TMEM42: variants seen among roughly 807,000 people sequenced by gnomAD.
TMEM42 encodes transmembrane protein 42.
TMEM42 carries 8 observed loss-of-function variants against 14.0 expected under a neutral mutation model. That is an observed-to-expected ratio of 0.57 (90% CI 0.34 to 1.03). The LOEUF (loss-of-function observed/expected upper bound fraction) is 1.03, where lower values mean the gene tolerates loss of function less well. TMEM42 is among the 50% of genes least tolerant of loss of function. The pLI, the probability that TMEM42 is intolerant of heterozygous loss-of-function variation, is 0.03. For missense variants in TMEM42, 211 were observed against 219.8 expected, an observed-to-expected ratio of 0.96 and a Z score of 0.25; for synonymous variants, 115 against 94.3, an observed-to-expected ratio of 1.22 and a Z score of -1.27.
intron 1 of TMEM42, chr3:44,862,426 G>A: frequency 6.5e-6 from 1 of 153,242 alleles, no homozygotes; most frequent in East Asian, 1.9e-4. Flanking sequence ...CTCCGGTTGG[G>A]CTAGTTCGCT....
intron 1 of TMEM42, 74 bp downstream of exon 1, chr3:44,862,190 C>T: frequency 4.9e-6 from 2 of 411,496 alleles, no homozygotes; most frequent in Non-Finnish European, 6.6e-6. Context: ...AGGAGGGGCG[C>T]TGCGGGGCCC....
Position 44,865,222 on chromosome 3 carries a change from T to C in TMEM42, c.*42T>C, listed in dbSNP as rs1699308623. The C allele has an allele frequency of 6.2e-7, 1 of 1,612,554 alleles. No individual in the cohort carries two copies. Among genetic ancestry groups the C allele is most frequent in the African/African-American group, 1.3e-5 (1 of 74,902 alleles). ...GGACCAGCTGGAAAGATCATGATGG[T>C]GGCCCAGCCTTGGGATGTCATGTGG... On this transcript the variant is annotated 3_prime_UTR_variant, in exon 3 of 3. Transcript: ENST00000302392.
At chr3:44,863,298 G>GAAC in intron 1 of TMEM42, 1 of 38,726 alleles carries the variant, frequency 2.6e-5, no homozygotes. Flanking sequence ...TTTAGATTCC[G>GAAC]CACCCCCCCC....
In TMEM42 at chr3:44,865,326, C is replaced by G. The variant is rs774815805; in HGVS notation, c.*146C>G. Reference sequence around the variant, plus strand: ...AAGCAGGCCTCTGATGGAGCAGGCTCTGGCTCTGTAAGGAGAGGTGCAGCT... The same window carrying G: ...AAGCAGGCCTCTGATGGAGCAGGCTGTGGCTCTGTAAGGAGAGGTGCAGCT... On this transcript the variant is annotated 3_prime_UTR_variant, in exon 3 of 3. Coordinates refer to ENST00000302392, the MANE Select transcript of TMEM42 (RefSeq NM_144638.3). 2 of 1,084,666 alleles carry G rather than the reference C, an allele frequency of 1.8e-6. No homozygotes were observed. The highest frequency in any genetic ancestry group is 2.7e-6 in the Non-Finnish European group (2 of 748,164). The allele number at this position is 1,084,666 out of a possible 1,614,324, so 67.2% of individuals were successfully genotyped here.
chr3:44,865,350 C>A lies in TMEM42; in HGVS notation c.*170C>A. Reference sequence around the variant, plus strand: ...TCTGGCTCTGTAAGGAGAGGTGCAGCTGCAGCAGTGTTCTACCGGAAGTGT... The same window carrying A: ...TCTGGCTCTGTAAGGAGAGGTGCAGATGCAGCAGTGTTCTACCGGAAGTGT... On this transcript the variant is annotated 3_prime_UTR_variant, in exon 3 of 3. Coordinates refer to ENST00000302392, the MANE Select transcript of TMEM42 (RefSeq NM_144638.3). The A allele has an allele frequency of 1.2e-6, 1 of 816,756 alleles. No individual in the cohort carries two copies. The highest frequency in any genetic ancestry group is 1.9e-6 in the Non-Finnish European group (1 of 520,696). The allele number at this position is 816,756 out of a possible 1,614,324, so 50.6% of individuals were successfully genotyped here.
chr3:44,862,698 C>G (rs1336467720), intron 1 of TMEM42: 1 of 152,038 alleles, frequency 6.6e-6, no homozygotes, highest in Non-Finnish European at 1.5e-5. Context: ...CCTAAACTTG[C>G]ATCCTGGCGT....
At chr3:44,863,998 G>C in intron 1 of TMEM42, 199 bp from the exon 2 acceptor site, 1 of 575,368 alleles carries the variant, frequency 1.7e-6, no homozygotes, top group Non-Finnish European at 3.1e-6. Flanking sequence ...CTCTGAATTT[G>C]CTTTATTTGT....
intron 1 of TMEM42, chr3:44,863,050 G>T (rs1487689536): frequency 6.6e-6 from 1 of 151,880 alleles, no homozygotes; most frequent in Non-Finnish European, 1.5e-5. Flanking sequence ...TCCAACTCGC[G>T]GCCCAACGCA....
At position 44,865,579 on chromosome 3, in the gene TMEM42, A is replaced by G. The variant is rs1215214209; in HGVS notation, c.*399A>G. 2 of 205,036 alleles carry G rather than the reference A, an allele frequency of 9.8e-6. No individual in the cohort carries two copies. The highest frequency in any genetic ancestry group is 4.4e-5 in the African/African-American group (2 of 45,130). The allele number at this position is 205,036 out of a possible 1,614,324, so 12.7% of individuals were successfully genotyped here. Reference sequence around the variant, plus strand: ...GGGGCTTTCTGACAGTTCCATGCTGATGTATCAGGCCATCTGTGTCATGCT... The same window carrying G: ...GGGGCTTTCTGACAGTTCCATGCTGGTGTATCAGGCCATCTGTGTCATGCT... On this transcript the variant is annotated 3_prime_UTR_variant, in exon 3 of 3. Coordinates refer to ENST00000302392, the MANE Select transcript of TMEM42 (RefSeq NM_144638.3).
chr3:44,863,310 C>CCCA (rs1553668763), intron 1 of TMEM42: 1 of 117,436 alleles, frequency 8.5e-6, no homozygotes, highest in Non-Finnish European at 2.0e-5. Context: ...ACCCCCCCCC[C>CCCA]CCGCCGCCTT....
chr3:44,864,280 C>T lies in TMEM42; in HGVS notation c.276C>T (p.Leu92=). The T allele has an allele frequency of 6.2e-7, 1 of 1,614,196 alleles. No individual in the cohort carries two copies. Among genetic ancestry groups the T allele is most frequent in the African/African-American group, 1.3e-5 (1 of 75,042 alleles). The change falls in exon 2 of 3, where the codon CTC becomes CTT. Residue 92 remains leucine (L), a synonymous_variant. Transcript: ENST00000302392. The part of the protein sequence containing the change: ...SLMWTFFSRG[L]SFSMSSAIAS... ...TGTGGACCTTCTTTAGCCGGGGCCT[C>T]AGTTTCTCCATGTCTTCAGCCATTG...
intron 1 of TMEM42, 56 bp downstream of exon 1, chr3:44,862,172 C>T (rs1283062679): frequency 1.1e-6 from 1 of 885,460 alleles, no homozygotes; most frequent in Admixed American, 7.7e-5. Context: ...CGGGGCGCCG[C>T]TGGGCGGAGG....
rs777018297 is a variant in TMEM42, at chr3:44,861,928, G to A, written c.4G>A (p.Ala2Thr). The A allele has an allele frequency of 1.1e-5, 16 of 1,444,230 alleles. No homozygotes were observed. Among genetic ancestry groups the A allele is most frequent in the Middle Eastern group, 1.9e-4 (1 of 5,390 alleles). 89.5% of individuals were successfully genotyped at this position (1,444,230 alleles called of 1,614,324 possible). Residue 2 changes from alanine (A) to threonine (T), a missense_variant, in exon 1 of 3, where the codon GCC (alanine) becomes ACC (threonine). Transcript: ENST00000302392. Reference protein sequence around the residue: MAERPGPPGGAV... With the variant: MTERPGPPGGAV... The stretch of plus-strand genomic sequence containing the variant: ...AGGCACGGTGTCAGCAGGCAACATG[G>A]CCGAGAGGCCGGGGCCTCCGGGCGG...
Position 44,865,125 on chromosome 3 carries a change from T to C in TMEM42, c.425T>C (p.Leu142Pro). Residue 142 changes from leucine to proline, a missense_variant, in exon 3 of 3, where the codon CTA becomes CCA. Physicochemically the swap from Leu to Pro is moderately conservative, Grantham distance 98. Transcript: ENST00000302392. The stretch of plus-strand genomic sequence containing the variant: ...TTCCTTATTCTCTGCGGACTCACCC[T>C]AATCCACAGGAAGCTCCCACCCACC... ...GVFLILCGLT[L>P]IHRKLPPTWK... The C allele has an allele frequency of 6.2e-7, 1 of 1,614,162 alleles. No homozygotes were observed.
intron 1 of TMEM42, chr3:44,863,203 C>A (rs1353474813): frequency 6.6e-6 from 1 of 150,672 alleles, no homozygotes; most frequent in African/African-American, 2.4e-5. Flanking sequence ...AAATTGAACA[C>A]CCTGGTGTAA....
rs534431438 is a variant in TMEM42, at chr3:44,865,595, G to A, written c.*415G>A. The A allele has an allele frequency of 1.8e-3, 345 of 186,630 alleles. 11 individuals are homozygous for A. The South Asian group carries it at 0.05, about 27-fold the overall frequency. 11.6% of individuals were successfully genotyped at this position (186,630 alleles called of 1,614,324 possible). Reference sequence around the variant, plus strand: ...TCCATGCTGATGTATCAGGCCATCTGTGTCATGCTTATGTATTATGGCAAG... The same window carrying A: ...TCCATGCTGATGTATCAGGCCATCTATGTCATGCTTATGTATTATGGCAAG... On this transcript the variant is annotated 3_prime_UTR_variant, in exon 3 of 3. Coordinates refer to ENST00000302392, the MANE Select transcript of TMEM42 (RefSeq NM_144638.3).
At chr3:44,862,155 G>T in intron 1 of TMEM42, 39 bp downstream of exon 1, 2 of 1,136,516 alleles carry the variant, frequency 1.8e-6, no homozygotes, top group Non-Finnish European at 2.2e-6. Context: ...TGCTGCGGGC[G>T]GGCGGGCGGG....
chr3:44,861,939 G>C lies in TMEM42; in HGVS notation c.15G>C (p.Pro5=), dbSNP rs762553980. Residue 5 remains proline (P), a synonymous_variant, in exon 1 of 3, where the codon CCG becomes CCC. Transcript: ENST00000302392. MAER[P]GPPGGAVSAT... Reference sequence around the variant, plus strand: ...CAGCAGGCAACATGGCCGAGAGGCCGGGGCCTCCGGGCGGCGCCGTGTCCG... The same window carrying C: ...CAGCAGGCAACATGGCCGAGAGGCCCGGGCCTCCGGGCGGCGCCGTGTCCG... 6.3e-6 allele frequency: 9 copies of C among 1,422,904 alleles called. No homozygotes were observed. The Admixed American group carries it at 1.8e-4, about 29-fold the overall frequency. The allele number at this position is 1,422,904 out of a possible 1,614,324, so 88.1% of individuals were successfully genotyped here.
In TMEM42 at chr3:44,865,323, G is replaced by A. The variant is rs1268418689; in HGVS notation, c.*143G>A. 2 of 1,083,918 alleles carry A rather than the reference G, an allele frequency of 1.8e-6. No individual in the cohort carries two copies. Among genetic ancestry groups the A allele is most frequent in the Non-Finnish European group, 2.7e-6 (2 of 747,082 alleles). 67.1% of individuals were successfully genotyped at this position (1,083,918 alleles called of 1,614,324 possible). A position where few individuals can be genotyped will look rare whatever the true frequency, so the allele number is the denominator to read the frequency against. On this transcript the variant is annotated 3_prime_UTR_variant, in exon 3 of 3. Transcript: ENST00000302392. ...GGGAAGCAGGCCTCTGATGGAGCAGGCTCTGGCTCTGTAAGGAGAGGTGCA... is the reference window on the plus strand; with the variant it reads ...GGGAAGCAGGCCTCTGATGGAGCAGACTCTGGCTCTGTAAGGAGAGGTGCA...
Sources: allele counts gnomAD v4.1 joint callset, GRCh38; gene constraint gnomAD v4.1.1; transcripts MANE v1.5; gene names NCBI Gene and HGNC (gene_info 2026-07-23, HGNC 2026-07-21).